The following CDH18 variants were observed in gnomAD, a reference collection of about 807,000 sequenced individuals.
The protein encoded by CDH18 is cadherin 18, also known as cadherin-18.
CDH18 carries 31 observed loss-of-function variants against 67.9 expected under a neutral mutation model. That is an observed-to-expected ratio of 0.46 (90% CI 0.34 to 0.62). The LOEUF is 0.62. Ranked by LOEUF, CDH18 falls within the 20% of genes least tolerant of loss-of-function variation. The pLI, the probability that CDH18 is intolerant of heterozygous loss-of-function variation, is 0.01. For missense variants in CDH18, 890 were observed against 975.5 expected, an observed-to-expected ratio of 0.91 and a Z score of 1.17; for synonymous variants, 362 against 347.2, an observed-to-expected ratio of 1.04 and a Z score of -0.48.
Position 19,744,554 on chromosome 5 carries a change from T to A in CDH18, c.523+2388A>T, listed in dbSNP as rs552410567. 8.6e-5 allele frequency among the ~76,000 whole-genome samples: 13 copies of A among 151,062 alleles called. No homozygotes were observed. The South Asian group carries it at 1.9e-3, about 22-fold the overall frequency. On this transcript the variant is annotated intron_variant, in intron 4 of 12. Coordinates refer to ENST00000382275, the MANE Select transcript of CDH18 (RefSeq NM_004934.5). ...CACACACACACATCTATTCCAGAGT[T>A]CACTGTTGATAACATTTTTCCTCTC...
At chr5:19,951,071 T>C (rs544445127) in intron 2 of CDH18, among the ~76,000 whole-genome samples, 1 of 152,258 alleles carries the variant, frequency 6.6e-6, no homozygotes, top group South Asian at 2.1e-4. Context: ...CTGGGGTGAA[T>C]AGGCTTCAAC....
intron 5 of CDH18, among the ~76,000 whole-genome samples, chr5:19,664,697 T>A (rs1757666143): frequency 6.6e-6 from 1 of 152,012 alleles, no homozygotes; most frequent in Non-Finnish European, 1.5e-5. Flanking sequence ...TGGAATAAGC[T>A]AACATTTATT....
intron 5 of CDH18, among the ~76,000 whole-genome samples, chr5:19,650,760 A>G (rs1755458472): frequency 6.6e-6 from 1 of 152,046 alleles, no homozygotes; most frequent in Admixed American, 6.6e-5. Context: ...ATCTTTTCTA[A>G]GAAGCCTTAT....
intron 1 of CDH18, among the ~76,000 whole-genome samples, chr5:20,449,371 T>C (rs1469660770): frequency 1.3e-5 from 2 of 152,046 alleles, no homozygotes; most frequent in Non-Finnish European, 2.9e-5. Context: ...ATATTAATTA[T>C]ATATTAAGTA....
chr5:20,526,341 C>T (rs998078519), intron 1 of CDH18, among the ~76,000 whole-genome samples: 2 of 152,088 alleles, frequency 1.3e-5, no homozygotes, highest in Non-Finnish European at 2.9e-5. Context: ...TGCCTGCTGA[C>T]TCTGAAGAGT....
chr5:19,895,043 AT>A (rs1789162097), intron 2 of CDH18, among the ~76,000 whole-genome samples: 1 of 152,098 alleles, frequency 6.6e-6, no homozygotes, highest in Non-Finnish European at 1.5e-5. Context: ...GGAACCTTGG[AT>A]CTAAATGCTC....
At chr5:20,127,027 GATATGGTTT>G (rs1170601539) in intron 2 of CDH18, among the ~76,000 whole-genome samples, 4 of 152,134 alleles carry the variant, frequency 2.6e-5, no homozygotes, top group Non-Finnish European at 5.9e-5. Flanking sequence ...ATTCACAAGA[GATATGGTTT>G]GGCTCTGTGT....
intron 2 of CDH18, among the ~76,000 whole-genome samples, chr5:19,921,138 T>C (rs927675508): frequency 3.3e-5 from 5 of 152,158 alleles, no homozygotes; most frequent in South Asian, 2.1e-4. Flanking sequence ...AACAAACTTT[T>C]TGTCCCTTAA....
intron 2 of CDH18, among the ~76,000 whole-genome samples, chr5:20,073,507 TG>T (rs753432300): frequency 9.9e-5 from 15 of 152,080 alleles, no homozygotes; most frequent in Admixed American, 2.6e-4. Flanking sequence ...CCAGTGAAAT[TG>T]TGCTTAGTAA....
chr5:19,642,272 C>G (rs907841284), intron 5 of CDH18, among the ~76,000 whole-genome samples: 1 of 151,780 alleles, frequency 6.6e-6, no homozygotes, highest in Non-Finnish European at 1.5e-5. Context: ...TCTACAGATT[C>G]AATGTAATCC....
At chr5:20,427,904 A>C (rs1273408114) in intron 1 of CDH18, among the ~76,000 whole-genome samples, 2 of 151,114 alleles carry the variant, frequency 1.3e-5, no homozygotes, top group African/African-American at 4.9e-5. Context: ...AACATTATCA[A>C]ACTCTTTTTG....
intron 1 of CDH18, among the ~76,000 whole-genome samples, chr5:20,313,171 T>C (rs1325719094): frequency 3.3e-5 from 5 of 152,148 alleles, no homozygotes; most frequent in African/African-American, 4.8e-5. Flanking sequence ...TTATTAGTTA[T>C]GCAGTCAATA....
intron 1 of CDH18, among the ~76,000 whole-genome samples, chr5:20,407,112 G>A (rs1402074603): frequency 6.6e-6 from 1 of 152,148 alleles, no homozygotes; most frequent in African/African-American, 2.4e-5. Context: ...GTATTTAAAA[G>A]AACAATATAG....
intron 2 of CDH18, among the ~76,000 whole-genome samples, chr5:20,099,096 AG>A (rs1166388506): frequency 2.0e-5 from 3 of 152,346 alleles, no homozygotes; most frequent in Admixed American, 1.3e-4. Context: ...ACACTTGCAA[AG>A]ATGTTGATAT....
At chr5:20,298,530 T>A (rs992751639) in intron 1 of CDH18, among the ~76,000 whole-genome samples, 10 of 152,188 alleles carry the variant, frequency 6.6e-5, no homozygotes, top group Non-Finnish European at 1.5e-4. Flanking sequence ...AGATATTGCA[T>A]CTCAAATTTA....
intron 3 of CDH18, among the ~76,000 whole-genome samples, chr5:19,787,740 T>C (rs946921994): frequency 4.7e-5 from 7 of 150,442 alleles, no homozygotes; most frequent in Admixed American, 4.0e-4. Flanking sequence ...AAATCCAAGA[T>C]AGAATTTAAA....
rs143363761 is a variant in CDH18 at position 19,912,183 on chromosome 5, TA to T, written c.-257+68876del. ...ATTGTTTAGCTATTAACAATAATAA[TA>T]AAAAAAAAACACTTAACGGCTTCGT... On this transcript the variant is annotated intron_variant, in intron 2 of 12. Coordinates refer to ENST00000382275, the MANE Select transcript of CDH18 (RefSeq NM_004934.5). Among the ~76,000 whole-genome samples, 903 of 147,840 alleles carry T rather than the reference TA, an allele frequency of 6.1e-3. 16 individuals are homozygous for T. Among genetic ancestry groups the T allele is most frequent in the Admixed American group, 0.043 (633 of 14,836 alleles).
intron 1 of CDH18, among the ~76,000 whole-genome samples, chr5:20,500,255 ACTT>A (rs201729205): frequency 0.012 from 1,768 of 152,260 alleles, 26 homozygotes; most frequent in African/African-American, 0.04. Context: ...CATTTAAATA[ACTT>A]CTTCTTAGAA....
chr5:20,383,029 C>A (rs988599354), intron 1 of CDH18, among the ~76,000 whole-genome samples: 22 of 152,028 alleles, frequency 1.4e-4, no homozygotes, highest in Non-Finnish European at 2.9e-5. Context: ...TTTGCCTTAC[C>A]TGCCGCTTTT....
Sources: gnomAD v4.1 joint callset for allele counts (sites outside exome capture counted in the v4.1 genomes callset) on GRCh38, gnomAD v4.1.1 for gene constraint, MANE v1.5 for transcripts, NCBI Gene and HGNC (gene_info 2026-07-23, HGNC 2026-07-21) for gene names.